The following ADAM20 variants were observed in gnomAD, a reference collection of about 807,000 sequenced individuals.
ADAM20 encodes the protein disintegrin and metalloproteinase domain-containing protein 20.
For missense variants in ADAM20, 871 were observed against 883.2 expected (o/e 0.99, Z 0.18); for synonymous variants, 305 against 310.2 (o/e 0.98, Z 0.18).
rs745510452 is a variant in ADAM20, at chr14:70,524,592, T to C, written c.166A>G (p.Lys56Glu). The change falls in exon 2 of 2, where the codon AAG becomes GAG. Residue 56 changes from lysine to glutamate, a missense_variant. Transcript: ENST00000256389. ...CTATAGGAGAGCCATCCAGGAGCCT[T>C]TGCACCTCTGCCCCTGCTGATCACC... ...LKVISRGRGA[K>E]APGWLSYSLR... is the part of the protein sequence containing the mutation. 2.5e-6 allele frequency: 4 copies of C among 1,613,920 alleles called. No homozygotes were observed. In the South Asian group the frequency reaches 4.4e-5, roughly 18 times the overall value.
chr14:70,570,990 A>T, the ADAM20 span, among the ~76,000 whole-genome samples: 1 of 152,218 alleles, frequency 6.6e-6, no homozygotes, highest in African/African-American at 2.4e-5. Flanking sequence ...CACAAACAGA[A>T]TTAAAAACAA....
chr14:70,557,799 A>G, the ADAM20 span, among the ~76,000 whole-genome samples: 1 of 150,770 alleles, frequency 6.6e-6, no homozygotes, highest in Non-Finnish European at 1.5e-5. Context: ...TTGTTAGTGT[A>G]TTTTATGTGT....
the ADAM20 span, among the ~76,000 whole-genome samples, chr14:70,553,525 TAAAAAAAA>T: frequency 1.8e-5 from 1 of 57,010 alleles, no homozygotes; most frequent in African/African-American, 7.2e-5. Flanking sequence ...GCAAAAATCC[TAAAAAAAA>T]AAAAAAAAAA....
the ADAM20 span, among the ~76,000 whole-genome samples, chr14:70,577,382 T>C: frequency 6.6e-6 from 1 of 152,178 alleles, no homozygotes; most frequent in African/African-American, 2.4e-5. Context: ...GTATCATCTG[T>C]TATCTCAACA....
chr14:70,572,061 T>G, the ADAM20 span, among the ~76,000 whole-genome samples: 6 of 152,318 alleles, frequency 3.9e-5, no homozygotes, highest in South Asian at 1.2e-3. Flanking sequence ...TGCCAAAAGA[T>G]ATCTACAGAT....
intron 1 of ADAM20, among the ~76,000 whole-genome samples, chr14:70,527,218 C>G (rs141588210): frequency 7.6e-4 from 116 of 152,260 alleles, no homozygotes; most frequent in African/African-American, 2.7e-3. Flanking sequence ...AAAATCCTAT[C>G]TGAAACTACA....
intron 1 of ADAM20, among the ~76,000 whole-genome samples, chr14:70,530,238 G>C (rs1883682690): frequency 6.6e-6 from 1 of 151,944 alleles, no homozygotes; most frequent in South Asian, 2.1e-4. Context: ...ATTAGCCTAG[G>C]TCGTCACAGG....
At chr14:70,566,574 T>C in the ADAM20 span, among the ~76,000 whole-genome samples, 1 of 152,040 alleles carries the variant, frequency 6.6e-6, no homozygotes. Context: ...TAGTAAGCCC[T>C]TACCCATCAA....
the ADAM20 span, among the ~76,000 whole-genome samples, chr14:70,540,500 C>T: frequency 1.4e-3 from 218 of 152,212 alleles, 5 homozygotes; most frequent in African/African-American, 6.3e-4. Context: ...TTGCATTTAT[C>T]GATCAAGCAA....
the ADAM20 span, among the ~76,000 whole-genome samples, chr14:70,554,075 T>C: frequency 6.6e-6 from 1 of 152,168 alleles, no homozygotes; most frequent in Non-Finnish European, 1.5e-5. Flanking sequence ...CTGATAAATT[T>C]AGTAAAATTG....
Position 70,523,216 on chromosome 14 carries a change from T to A in ADAM20, c.1542A>T (p.Gln514His), listed in dbSNP as rs755920444. Reference sequence around the variant, plus strand: ...CATCTTGGCCAAAAATCTCTTTACATTGTATATCATGGTTATTACACGTCT... The same window carrying A: ...CATCTTGGCCAAAAATCTCTTTACAATGTATATCATGGTTATTACACGTCT... Reference protein sequence around the residue: ...YEKTCNNHDIQCKEIFGQDAR... With the variant: ...YEKTCNNHDIHCKEIFGQDAR... The change falls in exon 2 of 2, where the codon CAA becomes CAT. Residue 514 changes from glutamine (Q) to histidine (H), a missense_variant. Physicochemically the swap from Gln to His is conservative, Grantham distance 24. Coordinates refer to ENST00000256389, the MANE Select transcript of ADAM20 (RefSeq NM_003814.5). 1.3e-5 allele frequency: 21 copies of A among 1,613,950 alleles called. No individual in the cohort carries two copies. The highest frequency in any genetic ancestry group is 1.7e-5 in the Non-Finnish European group (20 of 1,179,964).
At chr14:70,568,387 C>T in the ADAM20 span, among the ~76,000 whole-genome samples, 1 of 151,264 alleles carries the variant, frequency 6.6e-6, no homozygotes, top group African/African-American at 2.5e-5. Context: ...TTAAAAGATC[C>T]CATGCAAATG....
At chr14:70,545,849 G>A in the ADAM20 span, among the ~76,000 whole-genome samples, 1 of 152,324 alleles carries the variant, frequency 6.6e-6, no homozygotes, top group South Asian at 2.1e-4. Flanking sequence ...TTAACCTGCA[G>A]TATGGATCAA....
chr14:70,545,123 A>G, the ADAM20 span, among the ~76,000 whole-genome samples: 1 of 152,252 alleles, frequency 6.6e-6, no homozygotes, highest in Non-Finnish European at 1.5e-5. Context: ...AAGATGGCTG[A>G]ATAGAAAGCT....
chr14:70,576,510 T>C, the ADAM20 span, among the ~76,000 whole-genome samples: 6 of 152,172 alleles, frequency 3.9e-5, no homozygotes, highest in African/African-American at 1.2e-4. Flanking sequence ...ACAAGTTTCA[T>C]TGCTAGATTC....
In ADAM20 at chr14:70,524,951, G is replaced by A. The variant is rs764555626; in HGVS notation, c.-176-18C>T. 74 of 1,537,376 alleles carry A rather than the reference G, an allele frequency of 4.8e-5. No homozygotes were observed. Among genetic ancestry groups the A allele is most frequent in the Non-Finnish European group, 6.0e-5 (69 of 1,143,204 alleles). ...AATAAAAACTGAAAGAGCCAGGATG[G>A]GGTGGGTGGGATAGAAAGGGAGAAA... On this transcript the variant is annotated intron_variant, in intron 1 of 1. Coordinates refer to ENST00000256389, the MANE Select transcript of ADAM20 (RefSeq NM_003814.5).
At chr14:70,532,173 C>T (rs969259782) in intron 1 of ADAM20, among the ~76,000 whole-genome samples, 4 of 151,818 alleles carry the variant, frequency 2.6e-5, no homozygotes, top group Middle Eastern at 3.2e-3. Flanking sequence ...CAGAAGTAAA[C>T]CCAGACATGT....
chr14:70,525,014 G>T, intron 1 of ADAM20, 81 bp from the exon 2 acceptor site: 1 of 1,224,904 alleles, frequency 8.2e-7, no homozygotes, highest in Non-Finnish European at 1.1e-6. Flanking sequence ...CCTGCATTTG[G>T]ACCATATTTG....
the ADAM20 span, among the ~76,000 whole-genome samples, chr14:70,544,554 G>A: frequency 6.6e-6 from 1 of 152,008 alleles, no homozygotes; most frequent in African/African-American, 2.4e-5. Context: ...TATAAAAAGT[G>A]ATTTTTAAAA....
Sources: allele counts gnomAD v4.1 joint callset (sites outside exome capture counted in the v4.1 genomes callset), GRCh38; gene constraint gnomAD v4.1.1; transcripts MANE v1.5; gene names NCBI Gene and HGNC (gene_info 2026-07-23, HGNC 2026-07-21).